RGL1: variants seen among roughly 807,000 people sequenced by gnomAD.
The protein encoded by RGL1 is ral guanine nucleotide dissociation stimulator like 1.
RGL1 carries 24 observed loss-of-function variants against 95.2 expected under a neutral mutation model. The observed-to-expected ratio is 0.25, with a 90% confidence interval of 0.18 to 0.35. RGL1 has a LOEUF of 0.35. RGL1 is among the 10% of genes least tolerant of loss of function. The pLI, the probability that RGL1 is intolerant of heterozygous loss-of-function variation, is 1.00. For synonymous variants in RGL1, 329 were observed against 344.9 expected (o/e 0.95, Z 0.51); for missense variants, 715 against 936.3 (o/e 0.76, Z 3.08).
At chr1:183,781,926 GAATA>G (rs1435538820) in intron 2 of RGL1, among the ~76,000 whole-genome samples, 1 of 152,170 alleles carries the variant, frequency 6.6e-6, no homozygotes, top group African/African-American at 2.4e-5. Context: ...AATCCATTTT[GAATA>G]GATAGAAAAA....
chr1:183,675,685 C>T (rs148277381), intron 1 of RGL1, among the ~76,000 whole-genome samples: 2 of 152,120 alleles, frequency 1.3e-5, no homozygotes, highest in African/African-American at 2.4e-5. Context: ...ACAGCTCTGG[C>T]TGTTATTTAG....
At chr1:183,760,431 T>C (rs1658593065) in intron 2 of RGL1, among the ~76,000 whole-genome samples, 1 of 152,130 alleles carries the variant, frequency 6.6e-6, no homozygotes, top group South Asian at 2.1e-4. Context: ...CAGTAGAACT[T>C]CTTTCAAAAC....
intron 2 of RGL1, among the ~76,000 whole-genome samples, chr1:183,798,177 G>A (rs536429425): frequency 4.6e-5 from 7 of 151,920 alleles, no homozygotes; most frequent in Non-Finnish European, 4.4e-5. Flanking sequence ...ATTTTTCTTC[G>A]CATGGTATTA....
chr1:183,906,112 C>CA lies in RGL1; in HGVS notation c.1473-889dup, dbSNP rs879612126. Reference sequence around the variant, plus strand: ...AAATTGACAGCAAAATAAGTATTTACAAAAAAAAAAACTTGAGGTTTAGAG... The same window carrying CA: ...AAATTGACAGCAAAATAAGTATTTACAAAAAAAAAAAACTTGAGGTTTAGAG... On this transcript the variant is annotated intron_variant, in intron 13 of 17. Coordinates refer to ENST00000360851, the MANE Select transcript of RGL1 (RefSeq NM_001297671.3). Among the ~76,000 whole-genome samples, 525 of 140,460 alleles carry CA rather than the reference C, an allele frequency of 3.7e-3. 1 individual carries two copies. Among genetic ancestry groups the CA allele is most frequent in the Non-Finnish European group, 4.5e-3 (289 of 64,062 alleles). 92.1% of individuals were successfully genotyped at this position (140,460 alleles called of 152,430 possible). A position where few individuals can be genotyped will look rare whatever the true frequency, so the allele number is the denominator to read the frequency against.
chr1:183,848,238 T>A (rs376917834), intron 3 of RGL1, among the ~76,000 whole-genome samples: 1 of 152,178 alleles, frequency 6.6e-6, no homozygotes, highest in African/African-American at 2.4e-5. Flanking sequence ...TGATAACTAT[T>A]AACAGTCAGC....
At chr1:183,746,927 A>G (rs893831157) in intron 2 of RGL1, among the ~76,000 whole-genome samples, 14 of 151,988 alleles carry the variant, frequency 9.2e-5, no homozygotes, top group African/African-American at 3.4e-4. Flanking sequence ...TTCCTGTGTT[A>G]GTTTGCTGAG....
At chr1:183,907,869 C>T (rs114755621) in intron 14 of RGL1, among the ~76,000 whole-genome samples, 12 of 151,992 alleles carry the variant, frequency 7.9e-5, no homozygotes, top group South Asian at 2.1e-4. Context: ...TGGTGGTGCA[C>T]GCATGTAGTC....
chr1:183,639,264 G>C (rs1034695531), intron 1 of RGL1, among the ~76,000 whole-genome samples: 2 of 142,088 alleles, frequency 1.4e-5, no homozygotes. Flanking sequence ...CTGGTTGACA[G>C]AGCAAGACAC....
chr1:183,695,433 G>A (rs1654196755), intron 1 of RGL1, among the ~76,000 whole-genome samples: 1 of 152,108 alleles, frequency 6.6e-6, no homozygotes, highest in Admixed American at 6.5e-5. Flanking sequence ...CCAGTATTAT[G>A]ATTCCTGTTC....
intron 15 of RGL1, 108 bp downstream of exon 15, chr1:183,912,376 G>T (rs1293077152): frequency 6.5e-6 from 6 of 916,990 alleles, no homozygotes; most frequent in Non-Finnish European, 3.2e-6. Flanking sequence ...ATAGTATTTT[G>T]AAAGTCATGT....
intron 2 of RGL1, among the ~76,000 whole-genome samples, chr1:183,760,775 G>A (rs1658623158): frequency 6.6e-6 from 1 of 151,890 alleles, no homozygotes; most frequent in African/African-American, 2.4e-5. Context: ...AAAAAATGAA[G>A]TCAGTGCTCC....
rs147717900 is a variant in RGL1, at chr1:183,908,641, G to A, written c.1562+1540G>A. On this transcript the variant is annotated intron_variant, in intron 14 of 17. Coordinates refer to ENST00000360851, the MANE Select transcript of RGL1 (RefSeq NM_001297671.3). The stretch of plus-strand genomic sequence containing the variant: ...GGGGCCTGACCAAGCCTTGTCAGCT[G>A]GTAAGACTGGCATGTGCACAGGGAA... 5.3e-5 allele frequency among the ~76,000 whole-genome samples: 8 copies of A among 152,274 alleles called. No individual in the cohort carries two copies. The East Asian group carries it at 1.5e-3, about 29-fold the overall frequency.
intron 2 of RGL1, among the ~76,000 whole-genome samples, chr1:183,750,097 T>A (rs767276656): frequency 1.3e-4 from 20 of 152,330 alleles, no homozygotes; most frequent in South Asian, 2.1e-4. Flanking sequence ...TGAATTTGAA[T>A]GTTGGCCTGT....
In RGL1 at chr1:183,926,569, T is replaced by C; in HGVS notation, c.*277T>C. ...TTTAAAACATATATATGCACATGTATTTGGTATGCATGTGTATCTATATAA... is the reference window on the plus strand; with the variant it reads ...TTTAAAACATATATATGCACATGTACTTGGTATGCATGTGTATCTATATAA... On this transcript the variant is annotated 3_prime_UTR_variant, in exon 18 of 18. Coordinates refer to ENST00000360851, the MANE Select transcript of RGL1 (RefSeq NM_001297671.3). 4.4e-6 allele frequency: 1 copy of C among 228,898 alleles called. No individual in the cohort carries two copies. The highest frequency in any genetic ancestry group is 8.6e-6 in the Non-Finnish European group (1 of 116,374). The allele number at this position is 228,898 out of a possible 1,614,324, so 14.2% of individuals were successfully genotyped here.
At chr1:183,866,701 A>T (rs1277674108) in intron 4 of RGL1, among the ~76,000 whole-genome samples, 1 of 152,202 alleles carries the variant, frequency 6.6e-6, no homozygotes, top group Non-Finnish European at 1.5e-5. Flanking sequence ...TCTGAGGAAG[A>T]TAAGAAGCGC....
intron 3 of RGL1, among the ~76,000 whole-genome samples, chr1:183,854,878 A>C (rs1665038283): frequency 1.3e-5 from 2 of 152,218 alleles, no homozygotes; most frequent in South Asian, 4.1e-4. Flanking sequence ...TGAACATGAT[A>C]ATATAGGTAA....
At chr1:183,769,859 C>T (rs1572390595) in intron 2 of RGL1, among the ~76,000 whole-genome samples, 1 of 152,092 alleles carries the variant, frequency 6.6e-6, no homozygotes. Context: ...TTAACCAGGC[C>T]CGACCCAGCT....
intron 1 of RGL1, among the ~76,000 whole-genome samples, chr1:183,681,548 T>C (rs1265460014): frequency 2.0e-5 from 3 of 152,218 alleles, no homozygotes; most frequent in African/African-American, 7.2e-5. Context: ...GTGGATAAGC[T>C]TTTTGATGTG....
intron 1 of RGL1, among the ~76,000 whole-genome samples, chr1:183,645,063 A>C (rs1172858623): frequency 1.3e-5 from 2 of 152,160 alleles, no homozygotes. Flanking sequence ...CCACTACTAA[A>C]GCAGAATCTG....
Sources: allele counts gnomAD v4.1 joint callset (sites outside exome capture counted in the v4.1 genomes callset), GRCh38; gene constraint gnomAD v4.1.1; transcripts MANE v1.5; gene names NCBI Gene and HGNC (gene_info 2026-07-23, HGNC 2026-07-21).